MACF1: variants seen among roughly 807,000 people sequenced by gnomAD.
MACF1 encodes the protein microtubule actin crosslinking factor 1.
A neutral mutation model predicts 854.8 loss-of-function variants in MACF1; 193 were observed. That is an observed-to-expected ratio of 0.23 (90% CI 0.20 to 0.25). The LOEUF is 0.25. Ranked by LOEUF, MACF1 falls within the 10% of genes least tolerant of loss-of-function variation. The pLI is 1.00. For missense variants in MACF1, 7,722 were observed against 8,929.1 expected, an observed-to-expected ratio of 0.86 and a Z score of 5.45; for synonymous variants, 3,185 against 3,226.7, an observed-to-expected ratio of 0.99 and a Z score of 0.44.
intron 51 of MACF1, among the ~76,000 whole-genome samples, 190 bp downstream of exon 51, chr1:39,370,376 C>T (rs979652731): frequency 1.3e-5 from 2 of 152,186 alleles, no homozygotes; most frequent in Non-Finnish European, 2.9e-5. Flanking sequence ...CATACACTCT[C>T]TTTGTATGTT....
Position 39,361,364 on chromosome 1 carries a change from T to C in MACF1, c.12458T>C (p.Leu4153Ser), listed in dbSNP as rs1413025611. The change falls in exon 49 of 101, where the codon TTG becomes TCG. Residue 4153 changes from leucine to serine, a missense_variant. Coordinates refer to ENST00000564288, the MANE Select transcript of MACF1 (RefSeq NM_001394062.1). ...CAGACGTGTTCTTCATGACAGAAAT[T>C]GAAGCAGGACATTGCTCGGCAAAAG... ...IQEALATNMK[L>S]KQDIARQKSS... 6.2e-7 allele frequency: 1 copy of C among 1,610,928 alleles called. No homozygotes were observed.
intron 19 of MACF1, 60 bp downstream of exon 19, chr1:39,295,210 T>A: frequency 7.2e-7 from 1 of 1,382,454 alleles, no homozygotes; most frequent in East Asian, 2.3e-5. Flanking sequence ...ATAAAAGTAT[T>A]CAAATTAGAG....
At chr1:39,443,265 A>G (rs1644156105) in intron 78 of MACF1, among the ~76,000 whole-genome samples, 181 bp from the exon 79 acceptor site, 1 of 152,198 alleles carries the variant, frequency 6.6e-6, no homozygotes. Flanking sequence ...GTGAGGTCTG[A>G]AGGATTCTGC....
intron 73 of MACF1, 31 bp from the exon 74 acceptor site, chr1:39,441,193 T>A: frequency 6.2e-7 from 1 of 1,613,836 alleles, no homozygotes; most frequent in Non-Finnish European, 8.5e-7. Flanking sequence ...TGGTATTGAT[T>A]GAAGAATCTG....
At chr1:39,410,259 A>G (rs770707305) in intron 58 of MACF1, 4 of 1,553,738 alleles carry the variant, frequency 2.6e-6, no homozygotes, top group Non-Finnish European at 3.5e-6. Context: ...ATCTTGATTG[A>G]AAAAGGATGG....
Position 39,357,660 on chromosome 1 carries a change from C to G in MACF1, c.11710C>G (p.His3904Asp). ...ATCCGAGAAAGAGCTGGAGAACATG[C>G]ATAAGGGAGGCAGCAGCCCCGAGAC... The part of the protein sequence containing the change: ...ERSEKELENM[H>D]KGGSSPETLP... The change falls in exon 45 of 101, where the codon CAT becomes GAT. Residue 3904 changes from histidine to aspartate, a missense_variant. His to Asp is a moderately conservative substitution (Grantham distance 81). Transcript: ENST00000564288. 1 of 1,614,146 alleles carries G rather than the reference C, an allele frequency of 6.2e-7. No individual in the cohort carries two copies. The highest frequency in any genetic ancestry group is 8.5e-7 in the Non-Finnish European group (1 of 1,180,028).
intron 95 of MACF1, among the ~76,000 whole-genome samples, chr1:39,468,408 C>G (rs1219661248): frequency 6.6e-6 from 1 of 152,182 alleles, no homozygotes; most frequent in African/African-American, 2.4e-5. Context: ...AAAAGTATAT[C>G]AAGACACCAG....
At chr1:39,386,067 T>A in intron 57 of MACF1, 138 bp downstream of exon 57, 1 of 965,860 alleles carries the variant, frequency 1.0e-6, no homozygotes, top group Non-Finnish European at 1.5e-6. Context: ...CAATTCCTTC[T>A]CCTAGTTGCA....
chr1:39,138,566 C>CAG (rs1439094497), intron 2 of MACF1, among the ~76,000 whole-genome samples: 1 of 149,970 alleles, frequency 6.7e-6, no homozygotes, highest in Non-Finnish European at 1.5e-5. Flanking sequence ...GCCTAGGCGA[C>CAG]AGAGAGAGAC....
At chr1:39,181,737 C>T (rs945827835) in intron 2 of MACF1, among the ~76,000 whole-genome samples, 6 of 152,132 alleles carry the variant, frequency 3.9e-5, no homozygotes, top group African/African-American at 1.4e-4. Context: ...AATTGAGAGT[C>T]TAAAAATAAA....
At chr1:39,345,530 G>A (rs1352920116) in intron 40 of MACF1, among the ~76,000 whole-genome samples, 1 of 152,186 alleles carries the variant, frequency 6.6e-6, no homozygotes, top group African/African-American at 2.4e-5. Flanking sequence ...AGGATTGCTT[G>A]AGCCCAGGAG....
intron 25 of MACF1, 46 bp downstream of exon 25, chr1:39,310,474 T>G (rs771802287): frequency 1.3e-6 from 2 of 1,560,334 alleles, no homozygotes; most frequent in Non-Finnish European, 1.7e-6. Flanking sequence ...AATGAGAGCC[T>G]TTCAAGGGGT....
chr1:39,359,031 CTATGGT>C, intron 46 of MACF1, 104 bp from the exon 47 acceptor site: 1 of 1,445,176 alleles, frequency 6.9e-7, no homozygotes, highest in Non-Finnish European at 9.5e-7. Context: ...ATATTTATGG[CTATGGT>C]TAAACTTACA....
intron 34 of MACF1, 148 bp from the exon 35 acceptor site, chr1:39,324,498 G>A: frequency 1.8e-6 from 2 of 1,126,886 alleles, no homozygotes; most frequent in Non-Finnish European, 2.5e-6. Context: ...GTTTGTTCTT[G>A]TACCTTTTTA....
intron 2 of MACF1, among the ~76,000 whole-genome samples, chr1:39,144,040 G>A (rs1378116878): frequency 5.3e-5 from 8 of 149,766 alleles, no homozygotes; most frequent in South Asian, 4.2e-4. Context: ...CGCCCGCCTC[G>A]GCCACCAAGG....
In MACF1 at chr1:39,409,113, C is replaced by T. The variant is rs1417442199; in HGVS notation, c.15817-13261C>T. On this transcript the variant is annotated intron_variant, in intron 58 of 100. Transcript: ENST00000564288. The surrounding 1 kb of genome is among the most constrained non-coding windows in gnomAD (Gnocchi z 4.2). Reference sequence around the variant, plus strand: ...GCTAGCGAGCTAGCGGGTCGCGCTGCGCGGGGGAGGAGGACTCGCCCCCCG... The same window carrying T: ...GCTAGCGAGCTAGCGGGTCGCGCTGTGCGGGGGAGGAGGACTCGCCCCCCG... Among the ~76,000 whole-genome samples the T allele has an allele frequency of 6.6e-6, 1 of 151,830 alleles. No individual in the cohort carries two copies. Among genetic ancestry groups the T allele is most frequent in the African/African-American group, 2.4e-5 (1 of 41,346 alleles).
At chr1:39,139,244 AT>A (rs900480312) in intron 2 of MACF1, among the ~76,000 whole-genome samples, 29 of 149,320 alleles carry the variant, frequency 1.9e-4, no homozygotes, top group African/African-American at 6.9e-4. Flanking sequence ...AATTGAACAG[AT>A]TTTTTTTCCT....
intron 99 of MACF1, among the ~76,000 whole-genome samples, chr1:39,484,380 G>A (rs1645068953): frequency 6.6e-6 from 1 of 150,950 alleles, no homozygotes; most frequent in Admixed American, 6.6e-5. Flanking sequence ...AAAGGTATTT[G>A]AAGACATTTT....
At chr1:39,160,094 CG>C (rs1486673383) in intron 2 of MACF1, among the ~76,000 whole-genome samples, 2 of 152,064 alleles carry the variant, frequency 1.3e-5, no homozygotes, top group Non-Finnish European at 2.9e-5. Context: ...ATGGGAGGAT[CG>C]CTTGAACCCA....
Sources: gnomAD v4.1 joint callset for allele counts (sites outside exome capture counted in the v4.1 genomes callset) on GRCh38, gnomAD v4.1.1 for gene constraint, Gnocchi (gnomAD v3.1) non-coding constraint, MANE v1.5 for transcripts, NCBI Gene and HGNC (gene_info 2026-07-23, HGNC 2026-07-21) for gene names.